Variants in NTN1 observed in about 807,000 individuals in gnomAD.
NTN1 encodes netrin-1.
NTN1 carries 11 observed loss-of-function variants against 54.2 expected under a neutral mutation model. That is an observed-to-expected ratio of 0.20 (90% CI 0.13 to 0.34). The LOEUF is 0.34. Among genes scored for constraint, NTN1 ranks in the 10% least tolerant of loss-of-function variants. The pLI, the probability that NTN1 is intolerant of heterozygous loss-of-function variation, is 1.00. For synonymous variants in NTN1, 371 were observed against 382.0 expected (o/e 0.97, Z 0.33); for missense variants, 740 against 893.1 (o/e 0.83, Z 2.18).
chr17:9,189,424 T>C (rs982156759), intron 5 of NTN1, among the ~76,000 whole-genome samples: 1 of 152,238 alleles, frequency 6.6e-6, no homozygotes, highest in Non-Finnish European at 1.5e-5. Context: ...CAATCTCAGC[T>C]CACTGCAACC....
At chr17:9,164,948 A>G (rs2092369731) in intron 3 of NTN1, among the ~76,000 whole-genome samples, 1 of 152,218 alleles carries the variant, frequency 6.6e-6, no homozygotes, top group Non-Finnish European at 1.5e-5. Context: ...TTGGGCTTCC[A>G]GAGAACATAG....
At chr17:9,107,752 G>A (rs1161246220) in intron 2 of NTN1, among the ~76,000 whole-genome samples, 1 of 152,228 alleles carries the variant, frequency 6.6e-6, no homozygotes, top group Non-Finnish European at 1.5e-5. Flanking sequence ...TTTAAGTACT[G>A]TTATAGCTGC....
intron 2 of NTN1, among the ~76,000 whole-genome samples, chr17:9,123,660 T>C (rs375019364): frequency 2.0e-5 from 3 of 152,214 alleles, no homozygotes; most frequent in East Asian, 3.8e-4. Context: ...GTGTAACTAT[T>C]GTTCTTCTCG....
At chr17:9,077,406 A>G (rs1352406131) in intron 2 of NTN1, among the ~76,000 whole-genome samples, 1 of 152,122 alleles carries the variant, frequency 6.6e-6, no homozygotes, top group Non-Finnish European at 1.5e-5. Flanking sequence ...AGTGGCTGAG[A>G]ATCAAAAGCC....
At chr17:9,008,523 G>A in the NTN1 span, among the ~76,000 whole-genome samples, 2 of 151,896 alleles carry the variant, frequency 1.3e-5, no homozygotes, top group African/African-American at 2.4e-5. Context: ...GGGTTTCACC[G>A]TGTTGGCCAG....
intron 2 of NTN1, among the ~76,000 whole-genome samples, chr17:9,136,020 C>T (rs1463233046): frequency 6.6e-6 from 1 of 152,162 alleles, no homozygotes; most frequent in African/African-American, 2.4e-5. Context: ...AGCTCTAAGC[C>T]CATTTCCTCG....
intron 2 of NTN1, among the ~76,000 whole-genome samples, chr17:9,105,254 C>G (rs1263288753): frequency 6.6e-6 from 1 of 152,190 alleles, no homozygotes; most frequent in Non-Finnish European, 1.5e-5. Flanking sequence ...GCTTGGTCTG[C>G]TCCATCTGCC....
chr17:9,128,341 CCCCGACCTCTGCT>C (rs1394627586), intron 2 of NTN1, among the ~76,000 whole-genome samples: 14 of 151,108 alleles, frequency 9.3e-5, no homozygotes, highest in African/African-American at 3.4e-4. Flanking sequence ...TCCCAGGCTG[CCCCGACCTCTGCT>C]CTTCCTGTGT....
chr17:9,198,793 T>C (rs1904705548), intron 5 of NTN1, among the ~76,000 whole-genome samples: 1 of 152,314 alleles, frequency 6.6e-6, no homozygotes, highest in East Asian at 1.9e-4. Flanking sequence ...CTAAGTACTG[T>C]ATCTGACCTT....
chr17:9,151,967 A>G (rs61150443), intron 2 of NTN1, among the ~76,000 whole-genome samples: 1,552 of 152,308 alleles, frequency 0.01, 28 homozygotes, highest in African/African-American at 0.035. Context: ...AAAGTAGCCA[A>G]TCGCGGGGAG....
intron 6 of NTN1, among the ~76,000 whole-genome samples, chr17:9,230,456 C>CT (rs992397604): frequency 2.9e-4 from 27 of 92,058 alleles, no homozygotes; most frequent in South Asian, 1.0e-3. Flanking sequence ...TGACCCCCCC[C>CT]CCGAGTGCCA....
chr17:9,036,876 A>T (rs971443993), intron 2 of NTN1, among the ~76,000 whole-genome samples: 1 of 152,160 alleles, frequency 6.6e-6, no homozygotes, highest in East Asian at 1.9e-4. Context: ...CTCAGGCTCT[A>T]ACTGGAGGAC....
rs550970922 is a variant in NTN1 at position 9,159,324 on chromosome 17, C to CTG, written c.1019-3477_1019-3476dup. On this transcript the variant is annotated intron_variant, in intron 2 of 6. Coordinates refer to ENST00000173229, the MANE Select transcript of NTN1 (RefSeq NM_004822.3). ...TCAAAGACATGCAAATTAAAATCGT[C>CTG]TGTGTGTGTGTGTTTTCTCTCAGAC... Among the ~76,000 whole-genome samples, 25 of 152,170 alleles carry CTG rather than the reference C, an allele frequency of 1.6e-4. No individual in the cohort carries two copies. In the East Asian group the frequency reaches 1.9e-3, roughly 12 times the overall value.
intron 2 of NTN1, among the ~76,000 whole-genome samples, chr17:9,130,120 G>A (rs1220693969): frequency 1.3e-5 from 2 of 152,192 alleles, no homozygotes; most frequent in African/African-American, 2.4e-5. Context: ...GGTCAGGGTA[G>A]TCAGTGGCTG....
rs149094351 is a variant in NTN1, at chr17:9,109,460, C to T, written c.1019-53353C>T. 5.1e-4 allele frequency among the ~76,000 whole-genome samples: 77 copies of T among 152,272 alleles called. 2 individuals carry two copies. The highest frequency in any genetic ancestry group is 1.8e-3 in the African/African-American group (74 of 41,546). On this transcript the variant is annotated intron_variant, in intron 2 of 6. Transcript: ENST00000173229. ...AGATCCATGTTACTACATAGAATTC[C>T]GTTTCATTCATTATAAGCAGTATAT...
intron 6 of NTN1, among the ~76,000 whole-genome samples, chr17:9,230,471 C>T (rs1004056696): frequency 1.3e-5 from 2 of 151,878 alleles, no homozygotes; most frequent in African/African-American, 2.4e-5. Flanking sequence ...GTGCCAGCCC[C>T]ATATGGAGGC....
At chr17:9,200,230 A>G (rs1324578767) in intron 5 of NTN1, among the ~76,000 whole-genome samples, 4 of 152,172 alleles carry the variant, frequency 2.6e-5, no homozygotes, top group African/African-American at 4.8e-5. Flanking sequence ...TAGAGAGCCA[A>G]CTGGTTCCCT....
At chr17:9,018,364 G>C (rs2091835978), upstream of NTN1, among the ~76,000 whole-genome samples, 1 of 152,134 alleles carries the variant, frequency 6.6e-6, no homozygotes, top group Non-Finnish European at 1.5e-5. Context: ...GGGCGCGGTG[G>C]CTCACTCCTG....
intron 6 of NTN1, among the ~76,000 whole-genome samples, chr17:9,234,297 C>T (rs1023793370): frequency 6.6e-6 from 1 of 152,178 alleles, no homozygotes; most frequent in Non-Finnish European, 1.5e-5. Context: ...TGCTGCTGCC[C>T]CACCCCACCT....
Sources: allele counts gnomAD v4.1 joint callset (sites outside exome capture counted in the v4.1 genomes callset), GRCh38; gene constraint gnomAD v4.1.1; transcripts MANE v1.5; gene names NCBI Gene and HGNC (gene_info 2026-07-23, HGNC 2026-07-21).